The following ADAMTSL3 variants were observed in gnomAD, a reference collection of about 807,000 sequenced individuals.
ADAMTSL3 encodes ADAMTS-like protein 3.
In ADAMTSL3, 128 loss-of-function variants were observed where a neutral mutation model predicts 201.7. That is an observed-to-expected ratio of 0.63 (90% CI 0.55 to 0.73). The LOEUF (loss-of-function observed/expected upper bound fraction) is 0.73. Ranked by LOEUF, ADAMTSL3 falls within the 30% of genes least tolerant of loss-of-function variation. The pLI is 0.00. For missense variants in ADAMTSL3, 1,990 were observed against 2,119.6 expected (o/e 0.94, Z 1.20); for synonymous variants, 738 against 748.4 (o/e 0.99, Z 0.23).
chr15:83,992,844 T>C (rs1464254189), intron 23 of ADAMTSL3, among the ~76,000 whole-genome samples: 1 of 152,172 alleles, frequency 6.6e-6, no homozygotes, highest in Non-Finnish European at 1.5e-5. Context: ...CCCACAGCCC[T>C]CCTGCCCTGT....
At chr15:83,951,946 CA>C (rs1482332283) in intron 19 of ADAMTSL3, among the ~76,000 whole-genome samples, 16 of 152,058 alleles carry the variant, frequency 1.1e-4, no homozygotes, top group African/African-American at 3.9e-4. Context: ...TTTATGTTTT[CA>C]AAAAACCAAC....
chr15:83,704,592 A>ACTGGAACCTG, intron 3 of ADAMTSL3, 84 bp downstream of exon 3: 1 of 1,548,210 alleles, frequency 6.5e-7, no homozygotes, highest in Non-Finnish European at 8.8e-7. Flanking sequence ...CTTCAAAGTA[A>ACTGGAACCTG]TTATATTTTC....
chr15:83,956,835 C>T (rs974751014), intron 19 of ADAMTSL3, among the ~76,000 whole-genome samples: 9 of 152,164 alleles, frequency 5.9e-5, no homozygotes, highest in Admixed American at 4.6e-4. Flanking sequence ...ATAAAAGCTT[C>T]TTCTACTCTA....
chr15:84,028,184 T>C (rs2068344190), intron 27 of ADAMTSL3, among the ~76,000 whole-genome samples: 1 of 152,220 alleles, frequency 6.6e-6, no homozygotes, highest in Non-Finnish European at 1.5e-5. Flanking sequence ...GTAAAGGTTA[T>C]ACAACTCTAA....
intron 16 of ADAMTSL3, among the ~76,000 whole-genome samples, chr15:83,915,132 T>C (rs2066010073): frequency 6.6e-6 from 1 of 152,218 alleles, no homozygotes; most frequent in Non-Finnish European, 1.5e-5. Flanking sequence ...CTTGGAGCTG[T>C]GTCTTTCATT....
At chr15:83,915,691 C>T (rs1384474802) in intron 16 of ADAMTSL3, among the ~76,000 whole-genome samples, 2 of 152,158 alleles carry the variant, frequency 1.3e-5, no homozygotes, top group African/African-American at 4.8e-5. Context: ...CAAATTCTAA[C>T]CCCTGGAAAC....
chr15:83,692,098 C>T lies in ADAMTSL3; in HGVS notation c.70-12291C>T, dbSNP rs2061616134. On this transcript the variant is annotated intron_variant, in intron 2 of 29. Coordinates refer to ENST00000286744, the MANE Select transcript of ADAMTSL3 (RefSeq NM_207517.3). ...GCTTGGATCATAGACTGTAGTTTGC[C>T]TTCTTCTTTTTTTTTTCTTTTAACA... is the stretch of plus-strand genomic sequence containing the variant. Among the ~76,000 whole-genome samples the T allele has an allele frequency of 3.3e-5, 5 of 151,452 alleles. 1 individual carries two copies. In the South Asian group the frequency reaches 6.3e-4, roughly 19 times the overall value.
intron 10 of ADAMTSL3, among the ~76,000 whole-genome samples, chr15:83,889,781 T>C (rs1294471252): frequency 6.6e-6 from 1 of 152,186 alleles, no homozygotes; most frequent in African/African-American, 2.4e-5. Flanking sequence ...TAGTTCGAAG[T>C]GCTGAGAGTA....
intron 13 of ADAMTSL3, among the ~76,000 whole-genome samples, chr15:83,896,690 T>C (rs1349592315): frequency 6.6e-6 from 1 of 152,080 alleles, no homozygotes; most frequent in Admixed American, 6.6e-5. Flanking sequence ...CCTCAAAAAA[T>C]ATAGTCTATC....
At chr15:83,780,887 A>G (rs2063157501) in intron 4 of ADAMTSL3, among the ~76,000 whole-genome samples, 1 of 152,188 alleles carries the variant, frequency 6.6e-6, no homozygotes, top group African/African-American at 2.4e-5. Flanking sequence ...ATACCTAGGA[A>G]TACAGCTAAC....
rs112670555 is a variant in ADAMTSL3 at position 83,998,477 on chromosome 15, A to G, written c.3973+7263A>G. Among the ~76,000 whole-genome samples the G allele has an allele frequency of 6.5e-4, 99 of 152,358 alleles. 1 individual carries two copies. Among genetic ancestry groups the G allele is most frequent in the African/African-American group, 2.2e-3 (91 of 41,584 alleles). On this transcript the variant is annotated intron_variant, in intron 23 of 29. Transcript: ENST00000286744. ...AAAAGGAAAAAAAGAAAGGAATCAAATAATAAAAGAGTCTGTAAATCAATG... is the reference window on the plus strand; with the variant it reads ...AAAAGGAAAAAAAGAAAGGAATCAAGTAATAAAAGAGTCTGTAAATCAATG...
chr15:83,964,933 G>A (rs1364198593), intron 19 of ADAMTSL3, among the ~76,000 whole-genome samples: 2 of 152,162 alleles, frequency 1.3e-5, no homozygotes, highest in African/African-American at 2.4e-5. Context: ...AGCTTCATAA[G>A]CGAAGGAGAA....
chr15:83,921,157 T>A (rs74026619), intron 16 of ADAMTSL3, among the ~76,000 whole-genome samples: 1,567 of 152,310 alleles, frequency 0.01, 33 homozygotes, highest in African/African-American at 0.036. Flanking sequence ...TAGGACTTTA[T>A]ACAAATTCTA....
At chr15:83,694,136 G>A (rs1304248961) in intron 2 of ADAMTSL3, among the ~76,000 whole-genome samples, 1 of 152,136 alleles carries the variant, frequency 6.6e-6, no homozygotes, top group Admixed American at 6.5e-5. Context: ...TTCCTGTCAG[G>A]GCGTGGAAGC....
chr15:83,874,234 G>T (rs56258128), intron 9 of ADAMTSL3, among the ~76,000 whole-genome samples: 5 of 144,320 alleles, frequency 3.5e-5, no homozygotes, highest in African/African-American at 1.1e-4. Context: ...GAGGCTTTCA[G>T]GGAAAGCCAA....
chr15:83,898,041 G>T, intron 14 of ADAMTSL3, 36 bp downstream of exon 14: 2 of 1,568,222 alleles, frequency 1.3e-6, no homozygotes, highest in South Asian at 2.4e-5. Context: ...CAAATCAAAT[G>T]GTATTTTCCA....
chr15:83,722,258 CTG>C (rs1460791890), intron 3 of ADAMTSL3, among the ~76,000 whole-genome samples: 2 of 152,194 alleles, frequency 1.3e-5, no homozygotes, highest in Admixed American at 6.5e-5. Context: ...AACGAGGAGA[CTG>C]TAGCTATGTT....
chr15:83,907,027 A>C (rs185809452), intron 15 of ADAMTSL3, among the ~76,000 whole-genome samples: 26 of 150,772 alleles, frequency 1.7e-4, no homozygotes, highest in African/African-American at 6.3e-4. Context: ...CCCAGAGTTC[A>C]AGGCTGCATT....
chr15:84,003,371 C>T (rs983040791), intron 23 of ADAMTSL3, among the ~76,000 whole-genome samples: 1 of 152,192 alleles, frequency 6.6e-6, no homozygotes, highest in Non-Finnish European at 1.5e-5. Flanking sequence ...GTGCACTAAA[C>T]ACCTGTACAA....
Sources: allele counts gnomAD v4.1 joint callset (sites outside exome capture counted in the v4.1 genomes callset), GRCh38; gene constraint gnomAD v4.1.1; transcripts MANE v1.5; gene names NCBI Gene and HGNC (gene_info 2026-07-23, HGNC 2026-07-21).